The following TRAPPC3L variants were observed in gnomAD, a reference collection of about 807,000 sequenced individuals.
TRAPPC3L encodes the protein trafficking protein particle complex subunit 3L, also known as trafficking protein particle complex subunit 3-like protein.
In TRAPPC3L, 23 loss-of-function variants were observed where a neutral mutation model predicts 23.7. The ratio of observed to expected loss-of-function variants is 0.97; its 90% CI spans 0.70 to 1.37. The LOEUF (loss-of-function observed/expected upper bound fraction) is 1.37, where lower values mean the gene tolerates loss of function less well. Ranked by LOEUF, TRAPPC3L falls within the 40% of genes most tolerant of loss-of-function variation. The probability of loss-of-function intolerance (pLI) is 0.00; values close to 1 mark genes in which losing one functional copy is unlikely to be tolerated. For synonymous variants in TRAPPC3L, 81 were observed against 77.9 expected (o/e 1.04, Z -0.21); for missense variants, 212 against 216.8 (o/e 0.98, Z 0.14).
At chr6:116,528,921 C>T (rs1470942646) in intron 3 of TRAPPC3L, 8 of 152,198 alleles carry the variant, frequency 5.3e-5, no homozygotes, top group Non-Finnish European at 7.3e-5. Context: ...TATTTTTAGG[C>T]TTATCTGATA....
intron 3 of TRAPPC3L, among the ~76,000 whole-genome samples, chr6:116,527,965 A>G (rs778556256): frequency 6.6e-6 from 1 of 151,970 alleles, no homozygotes; most frequent in African/African-American, 2.4e-5. Context: ...AGTAAAATTT[A>G]AAAAAACTTC....
At chr6:116,521,056 G>GTATA (rs1772327128) in intron 3 of TRAPPC3L, 1 of 151,724 alleles carries the variant, frequency 6.6e-6, no homozygotes, top group Non-Finnish European at 1.5e-5. Flanking sequence ...CAGTACAACA[G>GTATA]TATATATACA....
intron 3 of TRAPPC3L, chr6:116,512,227 C>G: frequency 6.3e-7 from 1 of 1,596,308 alleles, no homozygotes; most frequent in Non-Finnish European, 8.5e-7. Context: ...CCCTTCAGGC[C>G]CAGTCTCAGG....
intron 3 of TRAPPC3L, among the ~76,000 whole-genome samples, chr6:116,536,004 T>C (rs1773060598): frequency 6.6e-6 from 1 of 152,020 alleles, no homozygotes; most frequent in Non-Finnish European, 1.5e-5. Flanking sequence ...TAGGTAGGAG[T>C]TACTTTGAAC....
intron 4 of TRAPPC3L, 111 bp downstream of exon 4, chr6:116,500,370 C>A (rs182332791): frequency 2.1e-6 from 2 of 969,308 alleles, no homozygotes; most frequent in African/African-American, 1.7e-5. Context: ...TGTAACACAC[C>A]ATTAGATAAC....
intron 3 of TRAPPC3L, among the ~76,000 whole-genome samples, chr6:116,514,378 G>C (rs1772181678): frequency 6.6e-6 from 1 of 152,236 alleles, no homozygotes; most frequent in Non-Finnish European, 1.5e-5. Flanking sequence ...ACTTTCACTT[G>C]ATGGTAGTTG....
chr6:116,500,478 TACC>T lies in TRAPPC3L; in HGVS notation c.426_426+2del. ...CATTCATTCTTCACTTATTCAACTT[TACC>T]ATTTCCAAGGCACCTCTGATAATCC... On this transcript the variant is annotated splice_donor_variant and coding_sequence_variant, in exon 4 of 5. Transcript: ENST00000368602. LOFTEE classifies it high-confidence loss of function. The T allele has an allele frequency of 6.5e-7, 1 of 1,546,194 alleles. No homozygotes were observed. Among genetic ancestry groups the T allele is most frequent in the Non-Finnish European group, 8.7e-7 (1 of 1,144,528 alleles).
At chr6:116,538,797 T>C (rs1227180274) in intron 3 of TRAPPC3L, among the ~76,000 whole-genome samples, 6 of 151,812 alleles carry the variant, frequency 4.0e-5, no homozygotes, top group African/African-American at 1.5e-4. Context: ...AGTTGCATGA[T>C]CTTGACTCAC....
At chr6:116,540,976 T>A (rs1296989960) in intron 2 of TRAPPC3L, among the ~76,000 whole-genome samples, 1 of 151,784 alleles carries the variant, frequency 6.6e-6, no homozygotes, top group Non-Finnish European at 1.5e-5. Context: ...CCAGTGAGAG[T>A]TTCGGCATCT....
chr6:116,531,898 AAATAT>A (rs1437987816), intron 3 of TRAPPC3L, among the ~76,000 whole-genome samples: 2 of 149,904 alleles, frequency 1.3e-5, no homozygotes, highest in African/African-American at 4.9e-5. Flanking sequence ...TTTAATTTTA[AAATAT>A]AATATAATAA....
intron 3 of TRAPPC3L, among the ~76,000 whole-genome samples, chr6:116,533,323 T>C (rs1213858567): frequency 2.6e-5 from 4 of 152,190 alleles, no homozygotes; most frequent in Non-Finnish European, 4.4e-5. Context: ...AATTTCACAG[T>C]ATTTAACAAA....
chr6:116,512,904 A>G (rs1391798846), intron 3 of TRAPPC3L, among the ~76,000 whole-genome samples: 1 of 152,166 alleles, frequency 6.6e-6, no homozygotes, highest in Admixed American at 6.5e-5. Flanking sequence ...AGGGGTTCTT[A>G]ATTACTTCAG....
At chr6:116,542,428 A>C (rs1773521875) in intron 2 of TRAPPC3L, among the ~76,000 whole-genome samples, 1 of 152,136 alleles carries the variant, frequency 6.6e-6, no homozygotes, top group Admixed American at 6.6e-5. Context: ...TCTGTATTTC[A>C]ACTGAAAATA....
intron 2 of TRAPPC3L, among the ~76,000 whole-genome samples, chr6:116,541,807 T>A (rs187784085): frequency 1.4e-4 from 22 of 152,086 alleles, no homozygotes; most frequent in Admixed American, 5.9e-4. Context: ...CAAAACGTTA[T>A]GAGCTGTGCT....
chr6:116,543,101 G>A (rs2115247675), intron 2 of TRAPPC3L, among the ~76,000 whole-genome samples: 1 of 152,198 alleles, frequency 6.6e-6, no homozygotes, highest in Non-Finnish European at 1.5e-5. Flanking sequence ...CTTGATATTT[G>A]TAGGAAAAAA....
At chr6:116,533,945 C>A (rs1365295642) in intron 3 of TRAPPC3L, among the ~76,000 whole-genome samples, 1 of 152,172 alleles carries the variant, frequency 6.6e-6, no homozygotes, top group Admixed American at 6.5e-5. Context: ...TTGTTCCCTG[C>A]CGGCAGTCTG....
chr6:116,514,565 T>C (rs1772184972), intron 3 of TRAPPC3L, among the ~76,000 whole-genome samples: 1 of 152,210 alleles, frequency 6.6e-6, no homozygotes, highest in South Asian at 2.1e-4. Flanking sequence ...TGAGTAACCC[T>C]CGTTTCACAA....
At chr6:116,508,253 G>A (rs1772040266) in intron 3 of TRAPPC3L, among the ~76,000 whole-genome samples, 1 of 152,184 alleles carries the variant, frequency 6.6e-6, no homozygotes, top group Non-Finnish European at 1.5e-5. Context: ...ATAGCCATTT[G>A]CAAGACAAAT....
chr6:116,529,074 T>A (rs1656264164), intron 3 of TRAPPC3L: 1 of 152,380 alleles, frequency 6.6e-6, no homozygotes, highest in African/African-American at 2.4e-5. Context: ...TCTGACCGGG[T>A]CTCCTGTTTC....
Sources: allele counts gnomAD v4.1 joint callset (sites outside exome capture counted in the v4.1 genomes callset), GRCh38; gene constraint gnomAD v4.1.1; transcripts MANE v1.5; gene names NCBI Gene and HGNC (gene_info 2026-07-23, HGNC 2026-07-21).